MRPS35: variants seen among roughly 807,000 people sequenced by gnomAD.
MRPS35 encodes mitochondrial ribosomal protein S35, also known as small ribosomal subunit protein mS35.
In MRPS35, 29 loss-of-function variants were observed where a neutral mutation model predicts 32.7. The ratio of observed to expected loss-of-function variants is 0.89; its 90% CI spans 0.66 to 1.21. MRPS35 has a LOEUF of 1.21. Ranked by LOEUF, MRPS35 falls within the 50% of genes most tolerant of loss-of-function variation. The probability of loss-of-function intolerance (pLI) is 0.00; values close to 1 mark genes in which losing one functional copy is unlikely to be tolerated. For missense variants in MRPS35, 373 were observed against 383.8 expected, an observed-to-expected ratio of 0.97 and a Z score of 0.23; for synonymous variants, 148 against 139.3, an observed-to-expected ratio of 1.06 and a Z score of -0.44.
At chr12:27,715,369 T>C (rs1364324203) in intron 2 of MRPS35, among the ~76,000 whole-genome samples, 2 of 152,168 alleles carry the variant, frequency 1.3e-5, no homozygotes, top group African/African-American at 2.4e-5. Context: ...ATTCCTGACC[T>C]CAGGTGATCC....
intron 7 of MRPS35, among the ~76,000 whole-genome samples, chr12:27,740,177 C>G (rs2061958370): frequency 1.3e-5 from 2 of 152,046 alleles, no homozygotes; most frequent in Admixed American, 1.3e-4. Flanking sequence ...GTTATTTAAT[C>G]AAATAGAGAG....
chr12:27,726,662 T>G (rs944602664), intron 5 of MRPS35, among the ~76,000 whole-genome samples: 2 of 152,144 alleles, frequency 1.3e-5, no homozygotes, highest in African/African-American at 4.8e-5. Flanking sequence ...CACTAATGGT[T>G]ATTACCTGTC....
chr12:27,728,947 C>T (rs976415611), intron 5 of MRPS35, among the ~76,000 whole-genome samples: 10 of 152,120 alleles, frequency 6.6e-5, no homozygotes, highest in South Asian at 2.1e-4. Context: ...ATCAGGGGCA[C>T]GTAAAGTCTG....
At chr12:27,718,842 T>G (rs1352460578) in intron 3 of MRPS35, among the ~76,000 whole-genome samples, 2 of 152,184 alleles carry the variant, frequency 1.3e-5, no homozygotes, top group Non-Finnish European at 2.9e-5. Flanking sequence ...ATCCCAGCAC[T>G]TTGGGATACC....
chr12:27,724,478 C>T (rs1237736170), intron 5 of MRPS35, among the ~76,000 whole-genome samples: 1 of 152,192 alleles, frequency 6.6e-6, no homozygotes, highest in Non-Finnish European at 1.5e-5. Flanking sequence ...CATGGTGGCT[C>T]CTGCCTGTAA....
chr12:27,711,646 C>A (rs2061824705), intron 1 of MRPS35, among the ~76,000 whole-genome samples: 1 of 151,918 alleles, frequency 6.6e-6, no homozygotes, highest in African/African-American at 2.4e-5. Flanking sequence ...TACCAACTAT[C>A]TAGTTCAGGT....
At chr12:27,725,598 C>T in intron 5 of MRPS35, 1 of 251,012 alleles carries the variant, frequency 4.0e-6, no homozygotes, top group Non-Finnish European at 8.0e-6. Flanking sequence ...AAATATAATC[C>T]CAGCAGAATG....
chr12:27,737,633 A>G, intron 7 of MRPS35, 25 bp downstream of exon 7: 3 of 1,547,830 alleles, frequency 1.9e-6, no homozygotes, highest in Non-Finnish European at 2.7e-6. Context: ...ATATTTAATG[A>G]TTTTGTCATT....
chr12:27,728,846 C>A (rs1405658696), intron 5 of MRPS35, among the ~76,000 whole-genome samples: 2 of 152,028 alleles, frequency 1.3e-5, no homozygotes, highest in Non-Finnish European at 2.9e-5. Flanking sequence ...TTTCACATAA[C>A]CTGGAAGTTA....
chr12:27,755,544 A>AT lies in MRPS35; in HGVS notation c.*102dup, dbSNP rs2062023147. ...ATAAAATTGAAAATGTTAAAAAATC[A>AT]TTTTTTTTCCTCAGAGTTAAAATTA... On this transcript the variant is annotated 3_prime_UTR_variant, in exon 8 of 8. Transcript: ENST00000081029. 2.2e-5 allele frequency: 27 copies of AT among 1,219,250 alleles called. No individual in the cohort carries two copies. The highest frequency in any genetic ancestry group is 5.6e-5 in the Admixed American group (2 of 35,700). The allele number at this position is 1,219,250 out of a possible 1,614,324, so 75.5% of individuals were successfully genotyped here.
chr12:27,717,106 T>A (rs1047729771), intron 3 of MRPS35, among the ~76,000 whole-genome samples: 1 of 152,088 alleles, frequency 6.6e-6, no homozygotes, highest in Non-Finnish European at 1.5e-5. Flanking sequence ...GGTCTTGAAC[T>A]CCTGGGCTCA....
At position 27,719,850 on chromosome 12, in the gene MRPS35, C is replaced by T; in HGVS notation, c.364C>T (p.His122Tyr). ...TTTGACTCCTGTAGCAATTAAAAAG[C>T]ACTGTGAAGCCCTTAAAGGTAAGTG... The part of the protein sequence containing the change: ...LHLTPVAIKK[H>Y]CEALKDFCTE... The change falls in exon 4 of 8, where the codon CAC (histidine) becomes TAC (tyrosine). Residue 122 changes from histidine to tyrosine, a missense_variant. Physicochemically the swap from His to Tyr is moderately conservative, Grantham distance 83. Transcript: ENST00000081029. 6.2e-7 allele frequency: 1 copy of T among 1,607,034 alleles called. No individual in the cohort carries two copies. The highest frequency in any genetic ancestry group is 8.5e-7 in the Non-Finnish European group (1 of 1,174,648).
chr12:27,737,169 T>C (rs1424800695), intron 6 of MRPS35, among the ~76,000 whole-genome samples: 2 of 152,228 alleles, frequency 1.3e-5, no homozygotes, highest in Non-Finnish European at 2.9e-5. Context: ...CCTAGCTCTA[T>C]GTCTACTTTT....
intron 7 of MRPS35, among the ~76,000 whole-genome samples, chr12:27,745,380 CA>C (rs2061978731): frequency 6.6e-6 from 1 of 152,244 alleles, no homozygotes; most frequent in African/African-American, 2.4e-5. Context: ...ATATTCTTTC[CA>C]TGCTATCATA....
intron 7 of MRPS35, among the ~76,000 whole-genome samples, chr12:27,749,193 TAAAA>T (rs2061992128): frequency 6.6e-6 from 1 of 152,188 alleles, no homozygotes; most frequent in African/African-American, 2.4e-5. Context: ...AAGATGTATT[TAAAA>T]TTGCAACCTG....
chr12:27,751,597 C>A (rs950766336), intron 7 of MRPS35, among the ~76,000 whole-genome samples: 7 of 152,186 alleles, frequency 4.6e-5, no homozygotes, highest in African/African-American at 1.7e-4. Flanking sequence ...CCCCTGCCTT[C>A]AGGGTCAGCA....
At chr12:27,745,178 C>T (rs2061977902) in intron 7 of MRPS35, among the ~76,000 whole-genome samples, 1 of 152,122 alleles carries the variant, frequency 6.6e-6, no homozygotes, top group Non-Finnish European at 1.5e-5. Context: ...TAACACAAAG[C>T]ATTTAGTGCA....
chr12:27,727,280 T>C (rs2061904460), intron 5 of MRPS35, among the ~76,000 whole-genome samples: 1 of 152,110 alleles, frequency 6.6e-6, no homozygotes, highest in South Asian at 2.1e-4. Context: ...TTTGATGAAG[T>C]CCAATTTATG....
At chr12:27,714,983 CA>C (rs534252630) in intron 2 of MRPS35, among the ~76,000 whole-genome samples, 163 bp downstream of exon 2, 43 of 152,260 alleles carry the variant, frequency 2.8e-4, no homozygotes, top group Admixed American at 2.6e-3. Flanking sequence ...TGTTTTTTGT[CA>C]GTACCCAGAG....
Sources: gnomAD v4.1 joint callset for allele counts (sites outside exome capture counted in the v4.1 genomes callset) on GRCh38, gnomAD v4.1.1 for gene constraint, MANE v1.5 for transcripts, NCBI Gene and HGNC (gene_info 2026-07-23, HGNC 2026-07-21) for gene names.